Variants in BEND6 observed in about 807,000 individuals in gnomAD.
BEND6 encodes the protein BEN domain-containing protein 6.
In BEND6, 24 loss-of-function variants were observed where a neutral mutation model predicts 31.8. That is an observed-to-expected ratio of 0.75 (90% CI 0.55 to 1.06). The LOEUF (loss-of-function observed/expected upper bound fraction) is 1.06, where lower values mean the gene tolerates loss of function less well. Among genes scored for constraint, BEND6 ranks in the 50% least tolerant of loss-of-function variants. BEND6 has a pLI of 0.00. For synonymous variants in BEND6, 109 were observed against 114.6 expected, an observed-to-expected ratio of 0.95 and a Z score of 0.31; for missense variants, 294 against 327.4, an observed-to-expected ratio of 0.90 and a Z score of 0.79.
At chr6:57,012,268 A>G (rs1827373640) in intron 3 of BEND6, among the ~76,000 whole-genome samples, 2 of 152,266 alleles carry the variant, frequency 1.3e-5, no homozygotes, top group Admixed American at 6.5e-5. Flanking sequence ...GGTACACACA[A>G]CATGAATGTC....
chr6:57,010,368 TG>T (rs1355250275), intron 3 of BEND6: 2 of 152,234 alleles, frequency 1.3e-5, no homozygotes, highest in Admixed American at 6.5e-5. Context: ...TAGTCCTTAC[TG>T]GATCTTGATT....
At chr6:57,025,330 G>T (rs1402415836) in intron 6 of BEND6, among the ~76,000 whole-genome samples, 2 of 152,122 alleles carry the variant, frequency 1.3e-5, no homozygotes, top group Non-Finnish European at 2.9e-5. Context: ...TGTCTTTTTG[G>T]TCTGACTTGT....
chr6:56,963,534 G>A (rs556610330), intron 1 of BEND6, among the ~76,000 whole-genome samples: 54 of 152,220 alleles, frequency 3.5e-4, no homozygotes, highest in African/African-American at 1.2e-3. Context: ...TCCTACTTTG[G>A]TAAAACGGCT....
At chr6:56,988,019 C>CTTT (rs34912760) in intron 2 of BEND6, among the ~76,000 whole-genome samples, 1 of 139,052 alleles carries the variant, frequency 7.2e-6, no homozygotes, top group Non-Finnish European at 1.6e-5. Flanking sequence ...TTTTTTCTTT[C>CTTT]TTTTTTTTTT....
chr6:56,972,528 A>G (rs954206548), intron 1 of BEND6, among the ~76,000 whole-genome samples: 3 of 152,234 alleles, frequency 2.0e-5, no homozygotes, highest in African/African-American at 7.2e-5. Flanking sequence ...TATGTACTTT[A>G]AAAGGAAAAA....
At chr6:56,966,459 CAAT>C (rs1405102342) in intron 1 of BEND6, among the ~76,000 whole-genome samples, 2 of 152,270 alleles carry the variant, frequency 1.3e-5, no homozygotes, top group South Asian at 2.1e-4. Flanking sequence ...AGTAGTAACA[CAAT>C]AATAGCCAAG....
At chr6:57,002,174 A>G (rs1193537328) in intron 3 of BEND6, among the ~76,000 whole-genome samples, 1 of 152,242 alleles carries the variant, frequency 6.6e-6, no homozygotes, top group Non-Finnish European at 1.5e-5. Context: ...TATCCTAAAT[A>G]TATATGCACC....
chr6:56,971,700 T>G (rs1190972114), intron 1 of BEND6, among the ~76,000 whole-genome samples: 3 of 152,206 alleles, frequency 2.0e-5, no homozygotes, highest in Admixed American at 6.5e-5. Flanking sequence ...TAGTTTTGAT[T>G]TGCATTTCCT....
intron 2 of BEND6, among the ~76,000 whole-genome samples, chr6:56,984,453 T>C (rs1416822280): frequency 6.6e-6 from 1 of 152,184 alleles, no homozygotes; most frequent in Admixed American, 6.5e-5. Context: ...AGCATTAATA[T>C]CCAAATTTCT....
chr6:56,962,694 A>G (rs1213832675), intron 1 of BEND6, among the ~76,000 whole-genome samples: 1 of 152,154 alleles, frequency 6.6e-6, no homozygotes, highest in Non-Finnish European at 1.5e-5. Flanking sequence ...GATTGTAGTT[A>G]ATGTATCAGA....
At chr6:56,985,961 C>A (rs145953164) in intron 2 of BEND6, among the ~76,000 whole-genome samples, 2 of 152,272 alleles carry the variant, frequency 1.3e-5, no homozygotes, top group East Asian at 3.9e-4. Context: ...AAATGGATTT[C>A]TTTTGCCTGA....
rs1273392135 is a variant in BEND6, at chr6:56,992,501, A to G, written c.244A>G (p.Thr82Ala). The G allele has an allele frequency of 1.2e-6, 2 of 1,614,066 alleles. No homozygotes were observed. The highest frequency in any genetic ancestry group is 1.7e-6 in the Non-Finnish European group (2 of 1,180,028). ...AATAAAAAGCCTGAAAGAAAAACTA[A>G]CAAACACCCGGAAAGAAAACAGCCG... is the stretch of plus-strand genomic sequence containing the variant. ...AKIKSLKEKLTNTRKENSRLR... is the reference protein window; with the variant it reads ...AKIKSLKEKLANTRKENSRLR... The change falls in exon 3 of 7, where the codon ACA becomes GCA. Residue 82 changes from threonine to alanine, a missense_variant. Transcript: ENST00000370746.
chr6:56,989,935 T>C (rs1826429237), intron 2 of BEND6, among the ~76,000 whole-genome samples: 1 of 152,216 alleles, frequency 6.6e-6, no homozygotes, highest in South Asian at 2.1e-4. Flanking sequence ...TTTCCTATTA[T>C]GATCAATGAT....
At chr6:57,016,829 C>G (rs929206237) in intron 4 of BEND6, among the ~76,000 whole-genome samples, 1 of 152,124 alleles carries the variant, frequency 6.6e-6, no homozygotes, top group Non-Finnish European at 1.5e-5. Flanking sequence ...TGTGAGGCAA[C>G]GTGTTATAGG....
intron 3 of BEND6, among the ~76,000 whole-genome samples, chr6:57,001,207 A>C (rs1003695891): frequency 6.9e-6 from 1 of 145,144 alleles, no homozygotes; most frequent in Non-Finnish European, 1.5e-5. Context: ...TCTGTTGCCC[A>C]GGTTGGAGTG....
intron 1 of BEND6, among the ~76,000 whole-genome samples, chr6:56,969,683 C>A (rs1394178005): frequency 6.6e-6 from 1 of 150,540 alleles, no homozygotes; most frequent in African/African-American, 2.4e-5. Context: ...AGATGAGACA[C>A]CTGTATTACA....
intron 1 of BEND6, among the ~76,000 whole-genome samples, chr6:56,973,285 T>G (rs139417328): frequency 1.3e-5 from 2 of 152,316 alleles, no homozygotes; most frequent in African/African-American, 4.8e-5. Flanking sequence ...CTGGTGAAAC[T>G]TAGTTTTATC....
intron 3 of BEND6, chr6:57,004,946 G>T: frequency 2.0e-6 from 1 of 507,344 alleles, no homozygotes; most frequent in Non-Finnish European, 3.6e-6. Flanking sequence ...AGATTATATA[G>T]TTGAAAGTCA....
At chr6:56,991,544 T>A (rs534572535) in intron 2 of BEND6, among the ~76,000 whole-genome samples, 10 of 152,188 alleles carry the variant, frequency 6.6e-5, no homozygotes, top group Admixed American at 2.0e-4. Context: ...ATATTTTTTG[T>A]AGAGACAGGG....
Sources: gnomAD v4.1 joint callset for allele counts (sites outside exome capture counted in the v4.1 genomes callset) on GRCh38, gnomAD v4.1.1 for gene constraint, MANE v1.5 for transcripts, NCBI Gene and HGNC (gene_info 2026-07-23, HGNC 2026-07-21) for gene names.